METTL4: variants seen among roughly 807,000 people sequenced by gnomAD.
The protein encoded by METTL4 is N(6)-adenine-specific methyltransferase METTL4.
METTL4 carries 40 observed loss-of-function variants against 54.0 expected under a neutral mutation model. The ratio of observed to expected loss-of-function variants is 0.74; its 90% CI spans 0.58 to 0.96. The LOEUF (loss-of-function observed/expected upper bound fraction) is 0.96. Among genes scored for constraint, METTL4 ranks in the 50% least tolerant of loss-of-function variants. METTL4 has a pLI of 0.00. For missense variants in METTL4, 525 were observed against 549.0 expected (o/e 0.96, Z 0.44); for synonymous variants, 169 against 183.8 (o/e 0.92, Z 0.65).
Position 2,537,727 on chromosome 18 carries a change from T to C in METTL4, c.*1273A>G. On this transcript the variant is annotated 3_prime_UTR_variant, in exon 9 of 9. Transcript: ENST00000574538. ...TCAAAGAATCATTTCAGTCTAACAT[T>C]TTACTTAGTGGATAAATATTTGTCA... 2.5e-6 allele frequency: 1 copy of C among 396,346 alleles called. No individual in the cohort carries two copies. Among genetic ancestry groups the C allele is most frequent in the Non-Finnish European group, 4.4e-6 (1 of 225,104 alleles). 24.6% of individuals were successfully genotyped at this position (396,346 alleles called of 1,614,324 possible). A position where few individuals can be genotyped will look rare whatever the true frequency, so the allele number is the denominator to read the frequency against.
intron 3 of METTL4, among the ~76,000 whole-genome samples, chr18:2,563,129 G>A (rs2072346995): frequency 6.6e-6 from 1 of 152,062 alleles, no homozygotes; most frequent in Non-Finnish European, 1.5e-5. Context: ...CTATGTTCTA[G>A]AAACATATCC....
chr18:2,567,767 T>C (rs957324990), intron 1 of METTL4, 113 bp from the exon 2 acceptor site: 2 of 152,316 alleles, frequency 1.3e-5, no homozygotes, highest in Admixed American at 1.3e-4. Context: ...AGGTAATCCC[T>C]CGTTTTTGCA....
Position 2,567,090 on chromosome 18 carries a change from C to G in METTL4, c.127G>C (p.Val43Leu). The change falls in exon 2 of 9, where the codon GTT becomes CTT. Residue 43 changes from valine (V) to leucine (L), a missense_variant. Transcript: ENST00000574538. ...CCRKKEFTTS[V>L]HFESLQMDSV... ...TCCATTTGAAGAGACTCAAAGTGAA[C>G]AGAAGTAGTGAACTCCTTTTTACGG... 6.2e-7 allele frequency: 1 copy of G among 1,614,158 alleles called. No homozygotes were observed. The highest frequency in any genetic ancestry group is 8.5e-7 in the Non-Finnish European group (1 of 1,180,020).
At chr18:2,551,687 C>A (rs9952145) in intron 5 of METTL4, among the ~76,000 whole-genome samples, 3 of 150,838 alleles carry the variant, frequency 2.0e-5, no homozygotes, top group Non-Finnish European at 3.0e-5. Flanking sequence ...CAGAGTGAGA[C>A]CCTATCTCAA....
At chr18:2,560,702 C>G (rs1164830856) in intron 3 of METTL4, among the ~76,000 whole-genome samples, 1 of 152,030 alleles carries the variant, frequency 6.6e-6, no homozygotes, top group African/African-American at 2.4e-5. Context: ...ACAGTGAAAC[C>G]CCGTGTCTAC....
In METTL4 at chr18:2,538,568, G is replaced by A. The variant is rs533639043; in HGVS notation, c.*432C>T. 169 of 156,718 alleles carry A rather than the reference G, an allele frequency of 1.1e-3. 1 individual carries two copies. Among genetic ancestry groups the A allele is most frequent in the Admixed American group, 2.0e-3 (32 of 15,880 alleles). 9.7% of individuals were successfully genotyped at this position (156,718 alleles called of 1,614,324 possible). A position where few individuals can be genotyped will look rare whatever the true frequency, so the allele number is the denominator to read the frequency against. ...GAACAAAGGCCTCTGTGTAGCCAGAGCCTCTGATGTTTAAAAAGAAGCAGA... is the reference window on the plus strand; with the variant it reads ...GAACAAAGGCCTCTGTGTAGCCAGAACCTCTGATGTTTAAAAAGAAGCAGA... On this transcript the variant is annotated 3_prime_UTR_variant, in exon 9 of 9. Transcript: ENST00000574538.
intron 3 of METTL4, among the ~76,000 whole-genome samples, chr18:2,562,443 A>G (rs1200805310): frequency 2.5e-4 from 2 of 7,932 alleles, no homozygotes; most frequent in Non-Finnish European, 1.4e-3. Flanking sequence ...ACCTAAAAAA[A>G]GCAGGGACTC....
intron 3 of METTL4, among the ~76,000 whole-genome samples, chr18:2,555,909 A>G (rs1396675581): frequency 1.3e-5 from 2 of 152,078 alleles, no homozygotes; most frequent in African/African-American, 2.4e-5. Flanking sequence ...CCTAAACAGC[A>G]AAAACAAAGG....
At chr18:2,566,697 A>C (rs1287788797) in intron 2 of METTL4, 124 bp downstream of exon 2, 1 of 714,682 alleles carries the variant, frequency 1.4e-6, no homozygotes, top group Non-Finnish European at 2.1e-6. Flanking sequence ...GATATGCTAA[A>C]GCCTTTTTGG....
chr18:2,551,459 A>T (rs1378258612), intron 5 of METTL4, among the ~76,000 whole-genome samples: 3 of 152,010 alleles, frequency 2.0e-5, no homozygotes, highest in Non-Finnish European at 4.4e-5. Context: ...TCTCAGCACT[A>T]TGGAGGCTGA....
intron 1 of METTL4, chr18:2,569,226 A>G (rs1263174123): frequency 6.6e-6 from 1 of 152,642 alleles, no homozygotes; most frequent in Non-Finnish European, 1.5e-5. Context: ...TAGACCTCAC[A>G]GTACTAGAAA....
In METTL4 at chr18:2,537,970, G is replaced by A. The variant is rs900546541; in HGVS notation, c.*1030C>T. The A allele has an allele frequency of 1.3e-5, 5 of 398,358 alleles. No individual in the cohort carries two copies. The highest frequency in any genetic ancestry group is 1.8e-5 in the Non-Finnish European group (4 of 225,992). The allele number at this position is 398,358 out of a possible 1,614,324, so 24.7% of individuals were successfully genotyped here. ...GTTTTCAGGGTAAAGAAAGTGTTCT[G>A]TATCATGATCACTGTGGCAGACAGA... On this transcript the variant is annotated 3_prime_UTR_variant, in exon 9 of 9. Transcript: ENST00000574538.
At chr18:2,539,413 C>T (rs1206432337) in intron 8 of METTL4, among the ~76,000 whole-genome samples, 1 of 151,972 alleles carries the variant, frequency 6.6e-6, no homozygotes, top group East Asian at 1.9e-4. Flanking sequence ...GACTTTAACA[C>T]CTACTAGGTG....
At chr18:2,544,002 A>G (rs1475471221) in intron 8 of METTL4, among the ~76,000 whole-genome samples, 193 bp downstream of exon 8, 1 of 152,244 alleles carries the variant, frequency 6.6e-6, no homozygotes, top group Non-Finnish European at 1.5e-5. Context: ...GCTGAGTAAC[A>G]TAAAACTAAT....
At position 2,557,810 on chromosome 18, in the gene METTL4, A is replaced by G. The variant is rs531549630; in HGVS notation, c.460-2772T>C. Among the ~76,000 whole-genome samples the G allele has an allele frequency of 7.9e-4, 121 of 152,306 alleles. 1 individual carries two copies. Among genetic ancestry groups the G allele is most frequent in the Admixed American group, 1.4e-3 (21 of 15,298 alleles). ...TAAAATCCTTTGTCCCTGACCTAGG[A>G]GTCTCCTATCTTCTGCTAGCATCCA... is the stretch of plus-strand genomic sequence containing the variant. On this transcript the variant is annotated intron_variant, in intron 3 of 8. Coordinates refer to ENST00000574538, the MANE Select transcript of METTL4 (RefSeq NM_022840.5).
intron 3 of METTL4, among the ~76,000 whole-genome samples, chr18:2,559,247 T>A (rs949865674): frequency 6.6e-6 from 1 of 152,196 alleles, no homozygotes; most frequent in Admixed American, 6.5e-5. Flanking sequence ...AAACAAAATG[T>A]AATATTTACA....
At chr18:2,563,253 T>C (rs2072349001) in intron 3 of METTL4, among the ~76,000 whole-genome samples, 1 of 152,202 alleles carries the variant, frequency 6.6e-6, no homozygotes, top group Non-Finnish European at 1.5e-5. Flanking sequence ...ATAAGTTTAC[T>C]TTGTTAAATA....
At chr18:2,569,479 C>T (rs892005879) in intron 1 of METTL4, among the ~76,000 whole-genome samples, 52 of 152,174 alleles carry the variant, frequency 3.4e-4, no homozygotes, top group African/African-American at 1.2e-3. Context: ...CTCCCCCTAC[C>T]GCTCTCCCTT....
At chr18:2,544,460 T>C (rs1418953666) in intron 7 of METTL4, among the ~76,000 whole-genome samples, 174 bp from the exon 8 acceptor site, 2 of 152,028 alleles carry the variant, frequency 1.3e-5, no homozygotes, top group Non-Finnish European at 2.9e-5. Context: ...TTTCATTTTC[T>C]ATAATAATGA....
Sources: allele counts gnomAD v4.1 joint callset (sites outside exome capture counted in the v4.1 genomes callset), GRCh38; gene constraint gnomAD v4.1.1; transcripts MANE v1.5; gene names NCBI Gene and HGNC (gene_info 2026-07-23, HGNC 2026-07-21).